Variants in SORBS2 observed in about 807,000 individuals in gnomAD.
SORBS2 encodes the protein sorbin and SH3 domain-containing protein 2.
Under a neutral mutation model 97.7 loss-of-function variants are expected in SORBS2, and 46 were observed. The ratio of observed to expected loss-of-function variants is 0.47; its 90% CI spans 0.37 to 0.60. SORBS2 has a LOEUF of 0.60. Ranked by LOEUF, SORBS2 falls within the 20% of genes least tolerant of loss-of-function variation. SORBS2 has a pLI of 0.00. For synonymous variants in SORBS2, 476 were observed against 473.4 expected, an observed-to-expected ratio of 1.01 and a Z score of -0.07; for missense variants, 1,316 against 1,282.3, an observed-to-expected ratio of 1.03 and a Z score of -0.40.
chr4:185,848,922 A>C (rs1471256561), intron 1 of SORBS2, among the ~76,000 whole-genome samples: 1 of 152,150 alleles, frequency 6.6e-6, no homozygotes, highest in Non-Finnish European at 1.5e-5. Context: ...ACCAAACTAA[A>C]ATATCTCTTG....
intron 7 of SORBS2, 127 bp from the exon 20 acceptor site, chr4:185,620,278 T>C (rs1055730117): frequency 2.9e-6 from 2 of 699,484 alleles, no homozygotes; most frequent in Admixed American, 2.1e-5. Flanking sequence ...ATCGAACACA[T>C]GGGCATAAAA....
rs147210127 is a variant in SORBS2, at chr4:185,852,746, A to G, written c.-337-77380T>C. Among the ~76,000 whole-genome samples, 1,192 of 152,190 alleles carry G rather than the reference A, an allele frequency of 7.8e-3. 9 individuals are homozygous for G. Among genetic ancestry groups the G allele is most frequent in the African/African-American group, 0.025 (1,031 of 41,532 alleles). ...AGCGGGCTTCTCAAGTCCACCCACGACCCCAAGAGTAGAGGCATGTGGACT... is the reference window on the plus strand; with the variant it reads ...AGCGGGCTTCTCAAGTCCACCCACGGCCCCAAGAGTAGAGGCATGTGGACT... On this transcript the variant is annotated intron_variant, in intron 1 of 20. Coordinates refer to the SORBS2 transcript ENST00000284776.
At chr4:185,590,180 A>T (rs1323602723) in intron 13 of SORBS2, among the ~76,000 whole-genome samples, 1 of 152,232 alleles carries the variant, frequency 6.6e-6, no homozygotes, top group Non-Finnish European at 1.5e-5. Flanking sequence ...TGATATTTGT[A>T]TTATTTAACT....
intron 2 of SORBS2, among the ~76,000 whole-genome samples, chr4:185,694,702 C>CTTTTTT (rs1561959911): frequency 1.2e-5 from 1 of 84,592 alleles, no homozygotes; most frequent in African/African-American, 4.0e-5. Flanking sequence ...TTTTCCTTTT[C>CTTTTTT]TTTCTTTTCT....
intron 1 of SORBS2, among the ~76,000 whole-genome samples, chr4:185,919,152 C>G (rs2099259783): frequency 6.6e-6 from 1 of 152,154 alleles, no homozygotes; most frequent in South Asian, 2.1e-4. Context: ...TTTTATGAAC[C>G]AGCATAGTTA....
chr4:185,842,599 T>C (rs752474738), intron 1 of SORBS2, among the ~76,000 whole-genome samples: 1 of 152,114 alleles, frequency 6.6e-6, no homozygotes, highest in Non-Finnish European at 1.5e-5. Context: ...AACCAGCCCA[T>C]GGAAGCAAAC....
intron 1 of SORBS2, among the ~76,000 whole-genome samples, chr4:185,838,318 C>G (rs887353669): frequency 6.6e-6 from 1 of 152,250 alleles, no homozygotes; most frequent in African/African-American, 2.4e-5. Context: ...CATCTCCTCA[C>G]GCTGTGGGTT....
rs184308458 is a variant in SORBS2, at chr4:185,726,590, A to G, written c.-197-47768T>C. 1.4e-3 allele frequency among the ~76,000 whole-genome samples: 214 copies of G among 151,724 alleles called. 2 individuals are homozygous for G. Among genetic ancestry groups the G allele is most frequent in the African/African-American group, 4.2e-3 (175 of 41,456 alleles). On this transcript the variant is annotated intron_variant, in intron 2 of 20. Coordinates refer to the SORBS2 transcript ENST00000284776. Reference sequence around the variant, plus strand: ...AACAAACAATAGTTCTGGAAACCTCATATACAGAAACATAAGGATATTTAG... The same window carrying G: ...AACAAACAATAGTTCTGGAAACCTCGTATACAGAAACATAAGGATATTTAG...
chr4:185,597,215 A>G (rs1485860151), intron 12 of SORBS2, among the ~76,000 whole-genome samples: 1 of 152,212 alleles, frequency 6.6e-6, no homozygotes, highest in East Asian at 1.9e-4. Flanking sequence ...TAAGCACCAT[A>G]TAACCTTGGG....
chr4:185,612,855 G>C (rs2096563334), intron 11 of SORBS2, among the ~76,000 whole-genome samples: 1 of 152,146 alleles, frequency 6.6e-6, no homozygotes, highest in Admixed American at 6.5e-5. Context: ...GGGGGAAAGA[G>C]AGCGCCCTAG....
intron 4 of SORBS2, chr4:185,666,214 T>C (rs769862218): frequency 7.9e-7 from 1 of 1,258,794 alleles, no homozygotes; most frequent in African/African-American, 1.5e-5. Flanking sequence ...AAGCTGAGTA[T>C]GAGGAAAAAA....
chr4:185,586,584 G>A (rs2095803284), exon 15 of SORBS2: 2 of 152,702 alleles, frequency 1.3e-5, no homozygotes, highest in East Asian at 3.9e-4. Flanking sequence ...AAAATAATGT[G>A]TGAGATTCTA....
At chr4:185,657,238 G>A, upstream of SORBS2, 2 of 486,826 alleles carry the variant, frequency 4.1e-6, no homozygotes, top group Non-Finnish European at 6.8e-6. Flanking sequence ...AACAGATTGT[G>A]TAATTCTCTC....
intron 2 of SORBS2, among the ~76,000 whole-genome samples, chr4:185,764,485 T>A (rs781133398): frequency 5.9e-5 from 9 of 152,192 alleles, no homozygotes; most frequent in Non-Finnish European, 1.3e-4. Flanking sequence ...GCTAAGGAAC[T>A]AAATTCATTT....
chr4:185,740,541 T>G (rs953820776), intron 2 of SORBS2, among the ~76,000 whole-genome samples: 2 of 152,194 alleles, frequency 1.3e-5, no homozygotes, highest in Admixed American at 1.3e-4. Flanking sequence ...TCATCCAATC[T>G]GCGCTGCAGC....
chr4:185,937,640 T>C (rs932257418), intron 1 of SORBS2, among the ~76,000 whole-genome samples: 4 of 152,080 alleles, frequency 2.6e-5, no homozygotes, highest in African/African-American at 9.7e-5. Flanking sequence ...TCAGTCCTCC[T>C]ACAGGCTCCT....
chr4:185,699,261 A>C (rs1398222434), intron 2 of SORBS2, among the ~76,000 whole-genome samples: 4 of 148,944 alleles, frequency 2.7e-5, no homozygotes, highest in Non-Finnish European at 5.9e-5. Flanking sequence ...TTACTTACAA[A>C]GTTTATCCAG....
At chr4:185,658,824 G>T (rs995611968), upstream of SORBS2, among the ~76,000 whole-genome samples, 3 of 151,378 alleles carry the variant, frequency 2.0e-5, no homozygotes, top group Admixed American at 2.0e-4. Context: ...GGGACTACAG[G>T]TGCGTGCCAC....
intron 5 of SORBS2, 36 bp from the exon 18 acceptor site, chr4:185,627,055 G>A: frequency 6.2e-7 from 1 of 1,601,836 alleles, no homozygotes; most frequent in Non-Finnish European, 8.5e-7. Context: ...GATTGGCACT[G>A]GAGGAGGTTC....
Sources: gnomAD v4.1 joint callset for allele counts (sites outside exome capture counted in the v4.1 genomes callset) on GRCh38, gnomAD v4.1.1 for gene constraint, MANE v1.5 for transcripts, NCBI Gene and HGNC (gene_info 2026-07-23, HGNC 2026-07-21) for gene names.